Variants in CLEC19A observed in about 807,000 individuals in gnomAD.
CLEC19A encodes the protein C-type lectin domain family 19 member A.
Under a neutral mutation model 26.1 loss-of-function variants are expected in CLEC19A, and 21 were observed. That is an observed-to-expected ratio of 0.80 (90% CI 0.57 to 1.16). The LOEUF (loss-of-function observed/expected upper bound fraction) is 1.16. Ranked by LOEUF, CLEC19A falls within the 50% of genes most tolerant of loss-of-function variation. The pLI is 0.00. For missense variants in CLEC19A, 224 were observed against 227.6 expected, an observed-to-expected ratio of 0.98 and a Z score of 0.10; for synonymous variants, 89 against 88.6, an observed-to-expected ratio of 1.00 and a Z score of -0.03.
At chr16:19,296,861 G>A (rs1897714959) in intron 1 of CLEC19A, among the ~76,000 whole-genome samples, 1 of 152,120 alleles carries the variant, frequency 6.6e-6, no homozygotes, top group African/African-American at 2.4e-5. Context: ...GCTACAAAAG[G>A]GACCCCAATG....
chr16:19,307,741 C>G lies in CLEC19A; in HGVS notation c.481+64C>G. On this transcript the variant is annotated intron_variant, in intron 4 of 4. Transcript: ENST00000636231. ...CAGGAGGTGTCACAGGTGGGGAGAG[C>G]GGAGAAGGGCCTTGGGGGAAGAGGA... 2.0e-6 allele frequency: 3 copies of G among 1,534,110 alleles called. No individual in the cohort carries two copies. In the South Asian group the frequency reaches 3.6e-5, roughly 18 times the overall value.
intron 1 of CLEC19A, among the ~76,000 whole-genome samples, chr16:19,292,758 A>T (rs1347377774): frequency 6.6e-6 from 1 of 152,240 alleles, no homozygotes; most frequent in East Asian, 1.9e-4. Flanking sequence ...GGCTGAAGTC[A>T]GGTCAAGGGA....
At chr16:19,292,283 G>T (rs1203938283) in intron 1 of CLEC19A, among the ~76,000 whole-genome samples, 2 of 152,174 alleles carry the variant, frequency 1.3e-5, no homozygotes, top group East Asian at 3.9e-4. Context: ...CTCCGATTTG[G>T]AAGGCCTGGG....
rs550141364 is a variant in CLEC19A, at chr16:19,287,600, C to A, written c.88+1661C>A. Among the ~76,000 whole-genome samples the A allele has an allele frequency of 9.2e-5, 14 of 152,260 alleles. No individual in the cohort carries two copies. In the South Asian group the frequency reaches 1.7e-3, roughly 18 times the overall value. On this transcript the variant is annotated intron_variant, in intron 1 of 4. Transcript: ENST00000636231. ...TCCTTGCAGACTGCGCCTCGTATATCCCAAGATCTTGCCTTTCTGCCCAGC... is the reference window on the plus strand; with the variant it reads ...TCCTTGCAGACTGCGCCTCGTATATACCAAGATCTTGCCTTTCTGCCCAGC...
In CLEC19A at chr16:19,310,378, G is replaced by C. The variant is rs1389512645; in HGVS notation, c.*1295G>C. 3 of 152,116 alleles carry C rather than the reference G, an allele frequency of 2.0e-5. No homozygotes were observed. The highest frequency in any genetic ancestry group is 7.3e-5 in the African/African-American group (3 of 41,306). The allele number at this position is 152,116 out of a possible 1,614,324, so 9.4% of individuals were successfully genotyped here. On this transcript the variant is annotated 3_prime_UTR_variant, in exon 5 of 5. Coordinates refer to ENST00000636231, the MANE Select transcript of CLEC19A (RefSeq NM_001256720.2). ...CCCAGCTGTTTGGGAGGCTGAGATG[G>C]GAGGATCACTTGAGCCCAGGATATC...
chr16:19,308,204 A>C (rs1897996198), intron 4 of CLEC19A, among the ~76,000 whole-genome samples: 1 of 152,206 alleles, frequency 6.6e-6, no homozygotes, highest in Non-Finnish European at 1.5e-5. Context: ...AATGGGCTTA[A>C]TAATTTGTCC....
chr16:19,293,460 T>A (rs878977017), intron 1 of CLEC19A, among the ~76,000 whole-genome samples: 2 of 101,340 alleles, frequency 2.0e-5, no homozygotes, highest in East Asian at 4.8e-4. Flanking sequence ...TTAATTTTTT[T>A]AATTTTTTTT....
intron 1 of CLEC19A, among the ~76,000 whole-genome samples, chr16:19,297,074 T>C (rs1250918592): frequency 6.6e-6 from 1 of 152,234 alleles, no homozygotes; most frequent in Non-Finnish European, 1.5e-5. Flanking sequence ...CCAGTCATCC[T>C]GAGTCGTGGT....
chr16:19,285,899 T>C lies in CLEC19A; in HGVS notation c.48T>C (p.Ser16=). The C allele has an allele frequency of 2.6e-6, 4 of 1,550,588 alleles. No homozygotes were observed. Among genetic ancestry groups the C allele is most frequent in the Non-Finnish European group, 3.5e-6 (4 of 1,147,002 alleles). The change falls in exon 1 of 5, where the codon TCT becomes TCC. Residue 16 remains serine, a synonymous_variant. Transcript: ENST00000636231. ...LWAAAFLTLH[S]AQAFPQTDIS... is the part of the protein sequence containing the mutation. ...CTGCAGCCTTCCTGACCCTCCACTC[T>C]GCACAGGCCTTTCCACAAACAGACA...
intron 3 of CLEC19A, among the ~76,000 whole-genome samples, chr16:19,305,739 A>C (rs921327560): frequency 3.9e-5 from 6 of 152,214 alleles, no homozygotes; most frequent in African/African-American, 1.4e-4. Flanking sequence ...CGTGGTGCTT[A>C]GCATATTATA....
In CLEC19A at chr16:19,304,029, AG is replaced by A. The variant is rs1177226467; in HGVS notation, c.255-31del. 6 of 1,507,224 alleles carry A rather than the reference AG, an allele frequency of 4.0e-6. No homozygotes were observed. In the Admixed American group the frequency reaches 8.0e-5, roughly 20 times the overall value. 93.4% of individuals were successfully genotyped at this position (1,507,224 alleles called of 1,614,324 possible). On this transcript the variant is annotated intron_variant, in intron 2 of 4. Coordinates refer to ENST00000636231, the MANE Select transcript of CLEC19A (RefSeq NM_001256720.2). Reference sequence around the variant, plus strand: ...CTCCATCCTATGAAAAGAGGCCATGAGGAATCAGCTACTATTATTCTTAAAT... The same window carrying A: ...CTCCATCCTATGAAAAGAGGCCATGAGAATCAGCTACTATTATTCTTAAAT...
intron 2 of CLEC19A, among the ~76,000 whole-genome samples, chr16:19,302,948 A>C (rs906099100): frequency 2.0e-5 from 3 of 152,146 alleles, no homozygotes; most frequent in African/African-American, 7.2e-5. Flanking sequence ...AGATGTCCCC[A>C]CAAACATTGC....
chr16:19,292,561 C>G (rs1342406040), intron 1 of CLEC19A, among the ~76,000 whole-genome samples: 1 of 152,200 alleles, frequency 6.6e-6, no homozygotes, highest in East Asian at 1.9e-4. Context: ...CAAGCCCAGT[C>G]ATTGTGCACC....
chr16:19,285,753 G>T lies in CLEC19A; in HGVS notation c.-99G>T, dbSNP rs931319147. The T allele has an allele frequency of 1.1e-5, 11 of 985,936 alleles. No homozygotes were observed. The East Asian group carries it at 1.8e-4, about 16-fold the overall frequency. The allele number at this position is 985,936 out of a possible 1,614,324, so 61.1% of individuals were successfully genotyped here. On this transcript the variant is annotated 5_prime_UTR_variant, in exon 1 of 5. Transcript: ENST00000636231. ...TCCAGTCTGTCCCAGCTCCTGCCAG[G>T]CTCCATCTGACCCTAGGAGAGCAAT...
intron 2 of CLEC19A, among the ~76,000 whole-genome samples, chr16:19,301,735 G>GTTT (rs750529291): frequency 0.022 from 772 of 35,008 alleles, 56 homozygotes; most frequent in Admixed American, 0.025. Flanking sequence ...AGGTTTTTTT[G>GTTT]GTTTTTTTTT....
chr16:19,293,009 G>T (rs1897622511), intron 1 of CLEC19A, among the ~76,000 whole-genome samples: 2 of 152,290 alleles, frequency 1.3e-5, no homozygotes, highest in Admixed American at 6.5e-5. Flanking sequence ...TGTTGAGAAG[G>T]TCTTCATGGG....
intron 2 of CLEC19A, among the ~76,000 whole-genome samples, chr16:19,302,673 G>A (rs1219106614): frequency 1.3e-5 from 2 of 152,222 alleles, no homozygotes; most frequent in Admixed American, 1.3e-4. Flanking sequence ...GCCTGTGAAT[G>A]ATTTGAGTGA....
At chr16:19,287,136 T>C (rs140154498) in intron 1 of CLEC19A, among the ~76,000 whole-genome samples, 124 of 151,870 alleles carry the variant, frequency 8.2e-4, no homozygotes, top group East Asian at 4.1e-3. Flanking sequence ...AGTGTATTCA[T>C]CAGCTCAGGC....
At chr16:19,292,959 A>C (rs1444019031) in intron 1 of CLEC19A, among the ~76,000 whole-genome samples, 1 of 152,140 alleles carries the variant, frequency 6.6e-6, no homozygotes, top group Non-Finnish European at 1.5e-5. Context: ...ATGCCTCTGG[A>C]CCTGGGAGGT....
Sources: allele counts gnomAD v4.1 joint callset (sites outside exome capture counted in the v4.1 genomes callset), GRCh38; gene constraint gnomAD v4.1.1; transcripts MANE v1.5; gene names NCBI Gene and HGNC (gene_info 2026-07-23, HGNC 2026-07-21).